Variants in PHF21A observed in about 807,000 individuals in gnomAD.
PHF21A encodes BHC80a.
A neutral mutation model predicts 82.5 loss-of-function variants in PHF21A; 11 were observed. The ratio of observed to expected loss-of-function variants is 0.13; its 90% CI spans 0.08 to 0.22. The LOEUF is 0.22. PHF21A is among the 10% of genes least tolerant of loss of function. The pLI is 1.00. For missense variants in PHF21A, 579 were observed against 837.8 expected (o/e 0.69, Z 3.81); for synonymous variants, 297 against 302.8 (o/e 0.98, Z 0.20).
At chr11:46,012,678 A>C (rs571431366) in intron 6 of PHF21A, among the ~76,000 whole-genome samples, 21 of 152,326 alleles carry the variant, frequency 1.4e-4, no homozygotes, top group Non-Finnish European at 2.8e-4. Flanking sequence ...AAGTAAATCT[A>C]TATCTCTAGT....
intron 6 of PHF21A, among the ~76,000 whole-genome samples, chr11:46,031,724 TTG>T (rs1321036704): frequency 6.6e-6 from 1 of 152,218 alleles, no homozygotes; most frequent in Admixed American, 6.5e-5. Flanking sequence ...TCCTCTGGCT[TTG>T]TCTGTTAGGT....
chr11:45,986,931 A>G (rs557113835), intron 6 of PHF21A, among the ~76,000 whole-genome samples: 2 of 152,292 alleles, frequency 1.3e-5, no homozygotes, highest in Non-Finnish European at 2.9e-5. Context: ...AGAAAGTACA[A>G]TATCAAAGCG....
intron 10 of PHF21A, among the ~76,000 whole-genome samples, chr11:45,962,177 T>C (rs1339458553): frequency 6.6e-6 from 1 of 152,184 alleles, no homozygotes; most frequent in Non-Finnish European, 1.5e-5. Flanking sequence ...AGACATCACA[T>C]GCAGCATAGC....
At chr11:46,079,893 A>AAG (rs1393736834) in intron 4 of PHF21A, among the ~76,000 whole-genome samples, 2 of 152,090 alleles carry the variant, frequency 1.3e-5, no homozygotes, top group Non-Finnish European at 2.9e-5. Context: ...AAGGAAAAGA[A>AAG]AGGAAAGGAA....
intron 18 of PHF21A, chr11:45,935,378 T>C: frequency 1.2e-6 from 1 of 801,694 alleles, no homozygotes; most frequent in Non-Finnish European, 1.9e-6. Flanking sequence ...TTATTCAGCC[T>C]GAAGACTGAA....
chr11:46,040,237 A>G (rs2096101461), intron 6 of PHF21A, among the ~76,000 whole-genome samples: 1 of 152,230 alleles, frequency 6.6e-6, no homozygotes, highest in Non-Finnish European at 1.5e-5. Context: ...GAGTTTCATT[A>G]AACATAATGG....
intron 1 of PHF21A, among the ~76,000 whole-genome samples, chr11:46,103,515 A>T (rs2097122302): frequency 6.6e-6 from 1 of 152,206 alleles, no homozygotes; most frequent in Non-Finnish European, 1.5e-5. Context: ...TTCTCCTCAG[A>T]AATGAGATAC....
At chr11:46,061,557 T>G (rs143931086) in intron 6 of PHF21A, among the ~76,000 whole-genome samples, 2 of 152,302 alleles carry the variant, frequency 1.3e-5, no homozygotes, top group African/African-American at 4.8e-5. Context: ...GTTTTCTATA[T>G]TCCTACAATT....
chr11:45,962,131 T>C (rs1188544450), intron 10 of PHF21A, among the ~76,000 whole-genome samples: 2 of 152,198 alleles, frequency 1.3e-5, no homozygotes, highest in African/African-American at 2.4e-5. Flanking sequence ...CTGAGTTCCG[T>C]GAGGGTACGG....
intron 6 of PHF21A, among the ~76,000 whole-genome samples, chr11:46,028,175 C>T (rs2095790289): frequency 6.6e-6 from 1 of 151,936 alleles, no homozygotes; most frequent in South Asian, 2.1e-4. Context: ...ATTTGTATTC[C>T]TATCCCAAAA....
At chr11:46,025,747 C>A (rs1478671335) in intron 6 of PHF21A, among the ~76,000 whole-genome samples, 1 of 152,146 alleles carries the variant, frequency 6.6e-6, no homozygotes, top group East Asian at 1.9e-4. Flanking sequence ...GCTCTCTCCA[C>A]AAACACATAA....
intron 11 of PHF21A, among the ~76,000 whole-genome samples, chr11:45,951,586 C>T (rs1406898576): frequency 6.6e-6 from 1 of 152,168 alleles, no homozygotes; most frequent in Admixed American, 6.5e-5. Flanking sequence ...AACTACATTC[C>T]TAATTTTCAC....
intron 6 of PHF21A, among the ~76,000 whole-genome samples, chr11:45,996,079 A>G (rs1323015544): frequency 1.3e-5 from 2 of 152,056 alleles, no homozygotes; most frequent in African/African-American, 4.8e-5. Flanking sequence ...AAGTAGCTAG[A>G]GCTACAGGCA....
intron 6 of PHF21A, among the ~76,000 whole-genome samples, chr11:46,063,906 T>C (rs1018871303): frequency 2.0e-5 from 3 of 152,204 alleles, no homozygotes; most frequent in Admixed American, 6.5e-5. Context: ...TAAAAGGCAC[T>C]GGTGGATTAA....
chr11:45,981,384 C>T (rs2094274668), intron 6 of PHF21A, among the ~76,000 whole-genome samples: 1 of 116,150 alleles, frequency 8.6e-6, no homozygotes, highest in South Asian at 3.1e-4. Flanking sequence ...CAGAGTGAAA[C>T]CCTGTCTCAA....
intron 1 of PHF21A, among the ~76,000 whole-genome samples, chr11:46,110,177 G>A (rs773560230): frequency 5.3e-5 from 8 of 152,038 alleles, no homozygotes; most frequent in Admixed American, 5.2e-4. Flanking sequence ...GTACATTCAT[G>A]AGTATTATCT....
chr11:45,980,195 A>G (rs2094218223), intron 6 of PHF21A, among the ~76,000 whole-genome samples: 1 of 152,222 alleles, frequency 6.6e-6, no homozygotes, highest in South Asian at 2.1e-4. Context: ...ACTGAGGCAC[A>G]CAAATGAAAA....
At chr11:46,088,862 C>G (rs1224364654) in intron 3 of PHF21A, among the ~76,000 whole-genome samples, 1 of 152,058 alleles carries the variant, frequency 6.6e-6, no homozygotes, top group African/African-American at 2.4e-5. Context: ...GGGTATACTT[C>G]TGCTTGAAGA....
At chr11:45,988,101 C>T (rs1417377128) in intron 6 of PHF21A, among the ~76,000 whole-genome samples, 1 of 152,202 alleles carries the variant, frequency 6.6e-6, no homozygotes, top group Non-Finnish European at 1.5e-5. Context: ...TTATGGAACA[C>T]TGCTCAGACA....
Sources: allele counts gnomAD v4.1 joint callset (sites outside exome capture counted in the v4.1 genomes callset), GRCh38; gene constraint gnomAD v4.1.1; transcripts MANE v1.5; gene names NCBI Gene and HGNC (gene_info 2026-07-23, HGNC 2026-07-21).